The following FREM1 variants were observed in gnomAD, a reference collection of about 807,000 sequenced individuals.
The protein encoded by FREM1 is FRAS1-related extracellular matrix protein 1.
Under a neutral mutation model 210.1 loss-of-function variants are expected in FREM1, and 220 were observed. The observed-to-expected ratio is 1.05, with a 90% CI of 0.94 to 1.17. The LOEUF is 1.17. Ranked by LOEUF, FREM1 falls within the 50% of genes most tolerant of loss-of-function variation. The pLI, the probability that FREM1 is intolerant of heterozygous loss-of-function variation, is 0.00. For missense variants in FREM1, 3,454 were observed against 2,675.5 expected, an observed-to-expected ratio of 1.29 and a Z score of -6.42; for synonymous variants, 1,189 against 980.2, an observed-to-expected ratio of 1.21 and a Z score of -3.98.
intron 11 of FREM1, 132 bp downstream of exon 11, chr9:14,824,664 T>C (rs1822004099): frequency 3.2e-6 from 2 of 630,320 alleles, no homozygotes; most frequent in Non-Finnish European, 5.4e-6. Context: ...AAACGCTTAA[T>C]TGAGTATAAT....
chr9:14,850,886 A>G lies in FREM1; in HGVS notation c.1152+398T>C, dbSNP rs1419124133. Among the ~76,000 whole-genome samples, 3 of 152,240 alleles carry G rather than the reference A, an allele frequency of 2.0e-5. No homozygotes were observed. The East Asian group carries it at 5.8e-4, about 29-fold the overall frequency. ...TCAGAAATATTTGGTAGCTAGCACA[A>G]TACGTTTCACTACAAGTTTTAATTG... is the stretch of plus-strand genomic sequence containing the variant. On this transcript the variant is annotated intron_variant, in intron 6 of 36. Coordinates refer to ENST00000380880, the MANE Select transcript of FREM1 (RefSeq NM_001379081.2).
chr9:14,840,455 G>C (rs551165395), intron 10 of FREM1, among the ~76,000 whole-genome samples: 2 of 152,314 alleles, frequency 1.3e-5, no homozygotes, highest in East Asian at 1.9e-4. Context: ...AGGCAAAAAG[G>C]ATCAAGTCTC....
chr9:14,752,742 G>T (rs1011897128), intron 29 of FREM1, among the ~76,000 whole-genome samples: 1 of 152,084 alleles, frequency 6.6e-6, no homozygotes, highest in Non-Finnish European at 1.5e-5. Flanking sequence ...GACCCTCAAA[G>T]ACCATAAAGT....
At chr9:14,880,676 AGAAACTTT>A (rs1026471425) in intron 1 of FREM1, among the ~76,000 whole-genome samples, 4 of 152,194 alleles carry the variant, frequency 2.6e-5, no homozygotes, top group Non-Finnish European at 5.9e-5. Context: ...TGACATAAAC[AGAAACTTT>A]GAAACAAATC....
chr9:14,831,621 A>T (rs187986929), intron 10 of FREM1, among the ~76,000 whole-genome samples: 24 of 152,334 alleles, frequency 1.6e-4, no homozygotes, highest in African/African-American at 5.3e-4. Context: ...CCATTTTTCT[A>T]TGGGTAAATG....
rs903003136 is a variant in FREM1 at position 14,836,139 on chromosome 9, A to T, written c.1881+5308T>A. Among the ~76,000 whole-genome samples the T allele has an allele frequency of 1.3e-5, 2 of 152,218 alleles. No individual in the cohort carries two copies. The highest frequency in any genetic ancestry group is 1.3e-4 in the Admixed American group (2 of 15,280). On this transcript the variant is annotated intron_variant, in intron 10 of 36. Coordinates refer to ENST00000380880, the MANE Select transcript of FREM1 (RefSeq NM_001379081.2). This position sits in a 1 kb window ranked among gnomAD's most constrained non-coding sequence, Gnocchi z 4.9. ...GGAACTTCATAGACCCCCAAAGGGG[A>T]GTTCTCTATCTTGGCAAGTAAAATT...
chr9:14,816,913 T>TGAGAGTA, intron 14 of FREM1, 42 bp from the exon 15 acceptor site: 1 of 750,966 alleles, frequency 1.3e-6, no homozygotes, highest in African/African-American at 1.7e-5. Flanking sequence ...AGGAACAGTG[T>TGAGAGTA]GAGAGTAAAT....
chr9:14,838,803 T>C (rs866707448), intron 10 of FREM1, among the ~76,000 whole-genome samples: 2 of 152,282 alleles, frequency 1.3e-5, no homozygotes, highest in South Asian at 2.1e-4. Flanking sequence ...AAAGAAATAG[T>C]GGTCTTACTT....
intron 29 of FREM1, among the ~76,000 whole-genome samples, chr9:14,754,719 G>A (rs891364350): frequency 6.6e-6 from 1 of 152,108 alleles, no homozygotes; most frequent in African/African-American, 2.4e-5. Flanking sequence ...AGATCACAAA[G>A]TCAGGAGTTT....
intron 10 of FREM1, among the ~76,000 whole-genome samples, chr9:14,838,285 A>G (rs1588280303): frequency 6.6e-6 from 1 of 152,326 alleles, no homozygotes; most frequent in East Asian, 1.9e-4. Context: ...ACCATCAAGT[A>G]ATCATTTTAT....
At chr9:14,815,820 G>C (rs536892776) in intron 15 of FREM1, among the ~76,000 whole-genome samples, 3 of 152,078 alleles carry the variant, frequency 2.0e-5, no homozygotes, top group Admixed American at 6.6e-5. Flanking sequence ...GATAATTTTT[G>C]TATTTTTAAT....
At chr9:14,885,720 G>T (rs1291676222) in intron 1 of FREM1, among the ~76,000 whole-genome samples, 3 of 105,980 alleles carry the variant, frequency 2.8e-5, no homozygotes, top group African/African-American at 1.0e-4. Context: ...CCAGGTTAAT[G>T]ACTTAATTTA....
Position 14,845,976 on chromosome 9 carries a change from TC to T in FREM1, c.1376del (p.Gly459AspfsTer3). 1.2e-6 allele frequency: 2 copies of T among 1,613,552 alleles called. No individual in the cohort carries two copies. Among genetic ancestry groups the T allele is most frequent in the Non-Finnish European group, 1.7e-6 (2 of 1,179,688 alleles). On this transcript the variant is annotated frameshift_variant, in exon 8 of 37. Coordinates refer to ENST00000380880, the MANE Select transcript of FREM1 (RefSeq NM_001379081.2). LOFTEE classifies it high-confidence loss of function. ...ATCATTCACCTCTTAAAGTCAGCCA[TC>T]CATGCTGCAGGCCACCAACGGTGAC... ...RLVTVGGLQH[G>X]WLTLRGGKGF...
At chr9:14,752,582 G>A (rs1427496275) in intron 29 of FREM1, among the ~76,000 whole-genome samples, 1 of 152,062 alleles carries the variant, frequency 6.6e-6, no homozygotes, top group Non-Finnish European at 1.5e-5. Context: ...ATGTGAGAAA[G>A]TCTGGAGATC....
At chr9:14,787,087 C>A (rs528126641) in intron 23 of FREM1, among the ~76,000 whole-genome samples, 1 of 152,196 alleles carries the variant, frequency 6.6e-6, no homozygotes. Context: ...TCAGAAAACA[C>A]AGCAACACAG....
intron 22 of FREM1, 146 bp from the exon 23 acceptor site, chr9:14,789,260 G>T: frequency 3.8e-6 from 2 of 533,180 alleles, no homozygotes; most frequent in Non-Finnish European, 6.3e-6. Flanking sequence ...CACTTTACCT[G>T]ATTTTTTTTT....
At chr9:14,892,099 T>C (rs1032454869) in intron 1 of FREM1, among the ~76,000 whole-genome samples, 2 of 152,118 alleles carry the variant, frequency 1.3e-5, no homozygotes, top group Non-Finnish European at 2.9e-5. Flanking sequence ...ACTTTCTGAG[T>C]ACCTAAGAAC....
intron 24 of FREM1, among the ~76,000 whole-genome samples, chr9:14,776,729 T>C (rs1450725333): frequency 2.6e-5 from 4 of 152,218 alleles, no homozygotes; most frequent in Admixed American, 1.3e-4. Context: ...AATTTCTTAA[T>C]AGCAGATCAC....
chr9:14,748,759 A>C (rs921497165), intron 30 of FREM1, 120 bp from the exon 31 acceptor site: 2 of 680,372 alleles, frequency 2.9e-6, no homozygotes, highest in African/African-American at 3.6e-5. Flanking sequence ...TTCCCACCAG[A>C]TGTTGCCTTT....
Sources: gnomAD v4.1 joint callset for allele counts (sites outside exome capture counted in the v4.1 genomes callset) on GRCh38, gnomAD v4.1.1 for gene constraint, Gnocchi (gnomAD v3.1) non-coding constraint, MANE v1.5 for transcripts, NCBI Gene and HGNC (gene_info 2026-07-23, HGNC 2026-07-21) for gene names.